AUTS2: variants seen among roughly 807,000 people sequenced by gnomAD.
AUTS2 encodes the protein activator of transcription and developmental regulator AUTS2.
In AUTS2, 17 loss-of-function variants were observed where a neutral mutation model predicts 112.4. The ratio of observed to expected loss-of-function variants is 0.15; its 90% CI spans 0.10 to 0.23. The LOEUF (loss-of-function observed/expected upper bound fraction) is 0.23, where lower values mean the gene tolerates loss of function less well. Among genes scored for constraint, AUTS2 ranks in the 10% least tolerant of loss-of-function variants. The pLI is 1.00. For synonymous variants in AUTS2, 751 were observed against 702.7 expected, an observed-to-expected ratio of 1.07 and a Z score of -1.09; for missense variants, 1,510 against 1,701.6, an observed-to-expected ratio of 0.89 and a Z score of 1.98.
intron 2 of AUTS2, among the ~76,000 whole-genome samples, chr7:69,967,311 G>A (rs1459322479): frequency 7.7e-6 from 1 of 130,452 alleles, no homozygotes; most frequent in Non-Finnish European, 1.6e-5. Context: ...TGTCCTTCTG[G>A]GAGGTACCAG....
chr7:70,063,753 G>A (rs1802364333), intron 2 of AUTS2, among the ~76,000 whole-genome samples: 1 of 152,102 alleles, frequency 6.6e-6, no homozygotes, highest in Non-Finnish European at 1.5e-5. Context: ...ACCGCGAAAA[G>A]AGCTCAGGAT....
chr7:70,690,339 C>T (rs1485438180), intron 5 of AUTS2, among the ~76,000 whole-genome samples: 3 of 152,158 alleles, frequency 2.0e-5, no homozygotes, highest in South Asian at 2.1e-4. Flanking sequence ...ACATCCTTGC[C>T]GAGGCTAGTT....
intron 1 of AUTS2, among the ~76,000 whole-genome samples, chr7:69,786,293 G>A (rs1051395204): frequency 3.9e-5 from 6 of 152,016 alleles, no homozygotes; most frequent in East Asian, 1.9e-4. Context: ...ACCAATCAGC[G>A]CTCTGCGTCT....
chr7:70,252,947 T>A (rs1438402022), intron 4 of AUTS2, among the ~76,000 whole-genome samples: 1 of 152,188 alleles, frequency 6.6e-6, no homozygotes, highest in Non-Finnish European at 1.5e-5. Flanking sequence ...TGGTAATTTG[T>A]CTTTCTGCCA....
intron 4 of AUTS2, among the ~76,000 whole-genome samples, chr7:70,355,389 C>G (rs1176914843): frequency 1.3e-5 from 2 of 151,988 alleles, no homozygotes; most frequent in Non-Finnish European, 2.9e-5. Context: ...AGAAATGTGG[C>G]TGCTGTTAAA....
intron 10 of AUTS2, among the ~76,000 whole-genome samples, chr7:70,769,800 G>A (rs1341667154): frequency 6.6e-6 from 1 of 152,206 alleles, no homozygotes; most frequent in Non-Finnish European, 1.5e-5. Flanking sequence ...CTAGGCCAAA[G>A]ATGGAGAATA....
At chr7:69,737,218 T>G (rs1477429065) in intron 1 of AUTS2, among the ~76,000 whole-genome samples, 3 of 152,226 alleles carry the variant, frequency 2.0e-5, no homozygotes, top group African/African-American at 7.2e-5. Context: ...TTGTTTTTTT[T>G]GTTTCTTTTT....
At chr7:70,705,848 G>A (rs933278102) in intron 6 of AUTS2, among the ~76,000 whole-genome samples, 2 of 152,206 alleles carry the variant, frequency 1.3e-5, no homozygotes, top group South Asian at 4.1e-4. Flanking sequence ...GATAGGAGTG[G>A]AAGAAGTCAA....
At position 69,599,663 on chromosome 7, in the gene AUTS2, C is replaced by G. The variant is rs1158060947; in HGVS notation, c.10C>G (p.Pro4Ala). Reference sequence around the variant, plus strand: ...CCGGCGCAGCAGAACCATGGATGGCCCGACGCGGGGCCATGGACTCCGCAA... The same window carrying G: ...CCGGCGCAGCAGAACCATGGATGGCGCGACGCGGGGCCATGGACTCCGCAA... MDG[P>A]TRGHGLRKKR... Residue 4 changes from proline to alanine, a missense_variant, in exon 1 of 19, where the codon CCG (proline) becomes GCG (alanine). Coordinates refer to ENST00000342771, the MANE Select transcript of AUTS2 (RefSeq NM_015570.4). This position sits in a 1 kb window ranked among gnomAD's most constrained non-coding sequence, Gnocchi z 7.0. 2 of 1,305,074 alleles carry G rather than the reference C, an allele frequency of 1.5e-6. No homozygotes were observed. The highest frequency in any genetic ancestry group is 4.1e-5 in the Admixed American group (1 of 24,448). 80.8% of individuals were successfully genotyped at this position (1,305,074 alleles called of 1,614,324 possible).
At chr7:70,635,195 G>A (rs1169061048) in intron 5 of AUTS2, among the ~76,000 whole-genome samples, 2 of 152,186 alleles carry the variant, frequency 1.3e-5, no homozygotes, top group African/African-American at 4.8e-5. Flanking sequence ...GCTCGACAGG[G>A]CATCTTGTTT....
At chr7:70,523,402 C>T (rs529315380) in intron 5 of AUTS2, among the ~76,000 whole-genome samples, 1 of 152,310 alleles carries the variant, frequency 6.6e-6, no homozygotes, top group African/African-American at 2.4e-5. Flanking sequence ...CTGACAAAAG[C>T]CTGGTGTGTT....
intron 2 of AUTS2, among the ~76,000 whole-genome samples, chr7:70,095,967 G>T (rs1472580546): frequency 6.6e-6 from 1 of 152,136 alleles, no homozygotes; most frequent in Non-Finnish European, 1.5e-5. Flanking sequence ...TTATATACTT[G>T]TATATAAACC....
intron 4 of AUTS2, among the ~76,000 whole-genome samples, chr7:70,421,777 G>A (rs1329926746): frequency 1.3e-5 from 2 of 152,114 alleles, no homozygotes; most frequent in African/African-American, 4.8e-5. Flanking sequence ...TTCAATTATT[G>A]TAATTGCAGC....
intron 1 of AUTS2, among the ~76,000 whole-genome samples, chr7:69,853,682 C>T (rs1372803525): frequency 6.6e-6 from 1 of 152,072 alleles, no homozygotes; most frequent in Non-Finnish European, 1.5e-5. Flanking sequence ...CCTAAGGTCC[C>T]TAGCAGTTCT....
intron 1 of AUTS2, among the ~76,000 whole-genome samples, chr7:69,611,742 A>G (rs1793042868): frequency 6.6e-6 from 1 of 151,120 alleles, no homozygotes; most frequent in Non-Finnish European, 1.5e-5. Flanking sequence ...CATCCTGGCT[A>G]ACAAGGTGAA....
At chr7:70,235,566 C>A (rs1812280753) in intron 4 of AUTS2, among the ~76,000 whole-genome samples, 1 of 152,228 alleles carries the variant, frequency 6.6e-6, no homozygotes, top group East Asian at 1.9e-4. Flanking sequence ...TACGTACTAT[C>A]TGTTTTTAGG....
chr7:70,046,165 G>T (rs1170629452), intron 2 of AUTS2, among the ~76,000 whole-genome samples: 2 of 152,026 alleles, frequency 1.3e-5, no homozygotes, highest in Non-Finnish European at 2.9e-5. Context: ...CTCTTTACTT[G>T]TCAAGTCTAC....
chr7:70,732,596 G>C (rs528433672), intron 6 of AUTS2, among the ~76,000 whole-genome samples: 1 of 152,092 alleles, frequency 6.6e-6, no homozygotes, highest in Non-Finnish European at 1.5e-5. Flanking sequence ...TCTCCTTATC[G>C]TTTTGACTCT....
intron 4 of AUTS2, among the ~76,000 whole-genome samples, chr7:70,369,221 G>A (rs935206894): frequency 1.3e-5 from 2 of 152,158 alleles, no homozygotes; most frequent in African/African-American, 4.8e-5. Context: ...GGAAATAAAA[G>A]TGAGTTCCCT....
Sources: allele counts gnomAD v4.1 joint callset (sites outside exome capture counted in the v4.1 genomes callset), GRCh38; gene constraint gnomAD v4.1.1; non-coding constraint Gnocchi (gnomAD v3.1); transcripts MANE v1.5; gene names NCBI Gene and HGNC (gene_info 2026-07-23, HGNC 2026-07-21).